Variants in FRYL observed in about 807,000 individuals in gnomAD.
FRYL encodes protein furry homolog-like.
FRYL carries 150 observed loss-of-function variants against 351.2 expected under a neutral mutation model. The observed-to-expected ratio is 0.43, with a 90% confidence interval of 0.37 to 0.49. The LOEUF (loss-of-function observed/expected upper bound fraction) is 0.49. FRYL is among the 20% of genes least tolerant of loss of function. The pLI is 0.00. For missense variants in FRYL, 3,036 were observed against 3,619.3 expected (o/e 0.84, Z 4.13); for synonymous variants, 1,153 against 1,257.1 (o/e 0.92, Z 1.75).
At chr4:48,619,746 C>T (rs1428523860) in intron 6 of FRYL, among the ~76,000 whole-genome samples, 1 of 152,166 alleles carries the variant, frequency 6.6e-6, no homozygotes, top group Non-Finnish European at 1.5e-5. Context: ...AAGTGATCCT[C>T]CTGCCTGAGC....
intron 54 of FRYL, among the ~76,000 whole-genome samples, chr4:48,522,057 C>A (rs1725029638): frequency 6.6e-6 from 1 of 152,132 alleles, no homozygotes; most frequent in Non-Finnish European, 1.5e-5. Context: ...GTGGGAGGAT[C>A]ACTTGAGGCC....
At chr4:48,747,010 GT>G (rs1414347639) in intron 1 of FRYL, among the ~76,000 whole-genome samples, 1 of 152,174 alleles carries the variant, frequency 6.6e-6, no homozygotes, top group Non-Finnish European at 1.5e-5. Context: ...TTTTAGGGTA[GT>G]TTTTCACAAA....
intron 57 of FRYL, among the ~76,000 whole-genome samples, 188 bp from the exon 58 acceptor site, chr4:48,511,172 C>CA (rs1722393523): frequency 6.6e-6 from 1 of 151,922 alleles, no homozygotes; most frequent in African/African-American, 2.4e-5. Context: ...TAAAAAGAAA[C>CA]AAAAATTTAC....
intron 3 of FRYL, among the ~76,000 whole-genome samples, chr4:48,677,552 A>G (rs6818615): frequency 0.95 from 144,030 of 151,842 alleles, 68,402 homozygotes; most frequent in South Asian, 0.98. Flanking sequence ...CTGGGATTAC[A>G]GGCGCCTGCC....
chr4:48,590,372 G>A (rs1197026605), intron 17 of FRYL, among the ~76,000 whole-genome samples: 2 of 151,788 alleles, frequency 1.3e-5, no homozygotes, highest in East Asian at 1.9e-4. Context: ...TGGTCCCAGC[G>A]ACTTGGGAGG....
chr4:48,733,362 G>C (rs1770951586), intron 1 of FRYL, among the ~76,000 whole-genome samples: 1 of 150,308 alleles, frequency 6.7e-6, no homozygotes, highest in African/African-American at 2.4e-5. Flanking sequence ...AAGTAAAAAA[G>C]AAATAAAAAC....
At chr4:48,561,189 T>G (rs1037947478) in intron 33 of FRYL, among the ~76,000 whole-genome samples, 1 of 152,198 alleles carries the variant, frequency 6.6e-6, no homozygotes, top group Non-Finnish European at 1.5e-5. Flanking sequence ...TTAAGTCACA[T>G]GTGAAAAGTC....
intron 51 of FRYL, 42 bp downstream of exon 51, chr4:48,528,133 C>G: frequency 6.3e-7 from 1 of 1,586,638 alleles, no homozygotes; most frequent in Non-Finnish European, 8.6e-7. Context: ...AAAACTGATT[C>G]TTCTGTTCTA....
At chr4:48,503,346 C>CT (rs1720147628) in intron 60 of FRYL, among the ~76,000 whole-genome samples, 3 of 152,172 alleles carry the variant, frequency 2.0e-5, no homozygotes, top group Admixed American at 1.3e-4. Flanking sequence ...TCATTCCAGG[C>CT]TTCCTATCCT....
intron 23 of FRYL, among the ~76,000 whole-genome samples, chr4:48,576,591 C>T (rs1200824347): frequency 6.6e-6 from 1 of 152,134 alleles, no homozygotes; most frequent in East Asian, 1.9e-4. Flanking sequence ...CAGGGGTGAG[C>T]CACCATGCCT....
intron 3 of FRYL, among the ~76,000 whole-genome samples, chr4:48,675,948 C>T (rs576178582): frequency 1.1e-4 from 17 of 152,188 alleles, no homozygotes; most frequent in Non-Finnish European, 2.2e-4. Flanking sequence ...GTGCACCAAT[C>T]AACACTCTGT....
rs186088224 is a variant in FRYL, at chr4:48,515,245, C to T, written c.7720G>A (p.Val2574Ile). The T allele has an allele frequency of 6.7e-4, 1,081 of 1,610,074 alleles. 2 individuals carry two copies. Among genetic ancestry groups the T allele is most frequent in the Non-Finnish European group, 8.0e-4 (939 of 1,176,724 alleles). Residue 2574 changes from valine to isoleucine, a missense_variant, in exon 56 of 64, where the codon GTT (valine) becomes ATT (isoleucine). Val to Ile is a conservative substitution (Grantham distance 29, BLOSUM62 3). Transcript: ENST00000358350. Reference sequence around the variant, plus strand: ...GATCCTTCATCTTCAAAGGTTGTAACATGTTCCTCCTTTAATACTGAAGTT... The same window carrying T: ...GATCCTTCATCTTCAAAGGTTGTAATATGTTCCTCCTTTAATACTGAAGTT... Reference protein sequence around the residue: ...DTTSVLKEEHVTTFEDEGSYI... With the variant: ...DTTSVLKEEHITTFEDEGSYI...
rs765938163 is a variant in FRYL at position 48,549,495 on chromosome 4, A to G, written c.4762T>C (p.Ser1588Pro). 6.2e-7 allele frequency: 1 copy of G among 1,612,760 alleles called. No individual in the cohort carries two copies. The highest frequency in any genetic ancestry group is 1.1e-5 in the South Asian group (1 of 90,662). The change falls in exon 39 of 64, where the codon TCA (serine) becomes CCA (proline). Residue 1588 changes from serine to proline, a missense_variant. This residue lies in a region of FRYL where 1,987 missense variants were observed against 2,311.7 expected (regional missense o/e 0.86). Transcript: ENST00000358350. The surrounding 1 kb of genome is among the most constrained non-coding windows in gnomAD (Gnocchi z 4.2). Reference sequence around the variant, plus strand: ...CACCTGTGAAGAGGTAATCCAGGTGATGACGTTTCAGGCACGTAATCCACC... The same window carrying G: ...CACCTGTGAAGAGGTAATCCAGGTGGTGACGTTTCAGGCACGTAATCCACC... ...PLVDYVPETS[S>P]PGLPLHRCNI...
chr4:48,500,303 C>CA lies in FRYL; in HGVS notation c.8593-84dup, dbSNP rs1719261768. 11 of 762,988 alleles carry CA rather than the reference C, an allele frequency of 1.4e-5. No individual in the cohort carries two copies. The South Asian group carries it at 2.7e-4, about 19-fold the overall frequency. The allele number at this position is 762,988 out of a possible 1,614,324, so 47.3% of individuals were successfully genotyped here. A position where few individuals can be genotyped will look rare whatever the true frequency, so the allele number is the denominator to read the frequency against. On this transcript the variant is annotated intron_variant, in intron 62 of 63. Coordinates refer to ENST00000358350, the MANE Select transcript of FRYL (RefSeq NM_015030.2). ...TTGGCTACAAGAATATACCTGATGG[C>CA]AGTAGCATTGTTGCTCTTAAAGATT...
chr4:48,718,354 T>C (rs1374971619), intron 1 of FRYL, among the ~76,000 whole-genome samples: 1 of 151,560 alleles, frequency 6.6e-6, no homozygotes, highest in African/African-American at 2.4e-5. Flanking sequence ...ACTGGTGAAA[T>C]ATAAGCATTC....
At chr4:48,670,574 CT>C (rs1288599588) in intron 3 of FRYL, among the ~76,000 whole-genome samples, 1 of 151,974 alleles carries the variant, frequency 6.6e-6, no homozygotes, top group Non-Finnish European at 1.5e-5. Context: ...ACCATCTCCA[CT>C]TCCCCACTCC....
intron 59 of FRYL, among the ~76,000 whole-genome samples, chr4:48,509,719 C>T (rs924976224): frequency 8.5e-5 from 13 of 152,174 alleles, no homozygotes. Context: ...AAGATTACAG[C>T]TTTGTCAGAG....
chr4:48,610,349 C>A (rs1441122366), intron 7 of FRYL, among the ~76,000 whole-genome samples: 1 of 151,950 alleles, frequency 6.6e-6, no homozygotes, highest in African/African-American at 2.4e-5. Context: ...TTATGTAAAA[C>A]AAATTTTAAA....
chr4:48,733,649 CTATATACA>C (rs1299882221), intron 1 of FRYL, among the ~76,000 whole-genome samples: 6 of 151,912 alleles, frequency 3.9e-5, no homozygotes, highest in East Asian at 1.9e-4. Flanking sequence ...ACATATGTGT[CTATATACA>C]TATATACATA....
Sources: allele counts gnomAD v4.1 joint callset (sites outside exome capture counted in the v4.1 genomes callset), GRCh38; gene constraint gnomAD v4.1.1; regional missense constraint gnomAD v4.1.1; non-coding constraint Gnocchi (gnomAD v3.1); transcripts MANE v1.5; gene names NCBI Gene and HGNC (gene_info 2026-07-23, HGNC 2026-07-21).